The following FAM47C variants were observed in gnomAD, a reference collection of about 807,000 sequenced individuals.
FAM47C encodes family with sequence similarity 47 member C, also known as putative protein FAM47C.
For missense variants in FAM47C, 847 were observed against 879.9 expected (o/e 0.96, Z 0.47); for synonymous variants, 307 against 346.5 (o/e 0.89, Z 1.27).
rs868979999 is a variant in FAM47C at position 37,009,668 on chromosome X, A to G, written c.1258A>G (p.Lys420Glu). ...ATCTAATCTCCGCTCGGAGCCTCCCAAGATTGGAGTGTCCCATCTCTGCCT... is the reference window on the plus strand; with the variant it reads ...ATCTAATCTCCGCTCGGAGCCTCCCGAGATTGGAGTGTCCCATCTCTGCCT... ...RISNLRSEPPKIGVSHLCLEP... is the reference protein window; with the variant it reads ...RISNLRSEPPEIGVSHLCLEP... The change falls in exon 1 of 1, where the codon AAG becomes GAG. Residue 420 changes from lysine (K) to glutamate (E), a missense_variant. By Grantham distance (56) the Lys-to-Glu change is moderately conservative (BLOSUM62 1). Coordinates refer to ENST00000358047, the MANE Select transcript of FAM47C (RefSeq NM_001013736.3). 3 of 1,154,300 alleles carry G rather than the reference A, an allele frequency of 2.6e-6. No homozygotes were observed. The African/African-American group carries it at 6.5e-5, about 25-fold the overall frequency.
rs142884749 is a variant in FAM47C, at chrX:37,009,203, A to G, written c.793A>G (p.Thr265Ala). The change falls in exon 1 of 1, where the codon ACT becomes GCT. Residue 265 changes from threonine to alanine, a missense_variant. By Grantham distance (58) the Thr-to-Ala change is moderately conservative. Transcript: ENST00000358047. ...VSSLHLEPPE[T>A]GVSHLYLEPP... is the part of the protein sequence containing the mutation. ...CAGTCTCCACCTGGAGCCTCCCGAG[A>G]CTGGAGTGTCCCATCTCTACCTGGA... The G allele has an allele frequency of 2.3e-4, 272 of 1,206,999 alleles. No homozygotes were observed. The African/African-American group carries it at 4.4e-3, about 19-fold the overall frequency.
At position 37,011,448 on chromosome X, in the gene FAM47C, C is replaced by T. The variant is rs1466223478; in HGVS notation, c.3038C>T (p.Thr1013Ile). ...RRGWTYDSVK[T>I]PIQRAMQVYK... ...GGATGGACTTATGACTCTGTTAAGA[C>T]TCCTATTCAACGTGCAATGCAAGTT... Residue 1013 changes from threonine to isoleucine, a missense_variant, in exon 1 of 1, where the codon ACT becomes ATT. By Grantham distance (89) the Thr-to-Ile change is moderately conservative. Transcript: ENST00000358047. The T allele has an allele frequency of 1.7e-6, 2 of 1,208,387 alleles. No individual in the cohort carries two copies. The highest frequency in any genetic ancestry group is 2.2e-6 in the Non-Finnish European group (2 of 894,561).
Position 37,008,891 on chromosome X carries a change from G to A in FAM47C, c.481G>A (p.Asp161Asn). Residue 161 changes from aspartate to asparagine, a missense_variant, in exon 1 of 1, where the codon GAC becomes AAC. Coordinates refer to ENST00000358047, the MANE Select transcript of FAM47C (RefSeq NM_001013736.3). ...GCTGGACCCTGAGAGGAAGCTGGAG[G>A]ACGCAGGCTCTTGTGAGGGCCAGGA... The part of the protein sequence containing the change: ...KPLDPERKLE[D>N]AGSCEGQEKT... 1 of 1,212,017 alleles carries A rather than the reference G, an allele frequency of 8.3e-7. No individual in the cohort carries two copies. The highest frequency in any genetic ancestry group is 1.1e-6 in the Non-Finnish European group (1 of 895,525).
In FAM47C at chrX:37,009,510, G is replaced by T. The variant is rs782439569; in HGVS notation, c.1100G>T (p.Arg367Leu). 10 of 1,198,132 alleles carry T rather than the reference G, an allele frequency of 8.3e-6. No homozygotes were observed. Among genetic ancestry groups the T allele is most frequent in the Non-Finnish European group, 1.1e-5 (10 of 890,711 alleles). Residue 367 changes from arginine (R) to leucine (L), a missense_variant, in exon 1 of 1, where the codon CGC becomes CTC. Transcript: ENST00000358047. ...EPPETRVSPLRQLPPEAGVSH... is the reference protein window; with the variant it reads ...EPPETRVSPLLQLPPEAGVSH... ...CCAGAGACTCGCGTATCTCCTCTCC[G>T]CCAGCTGCCTCCCGAGGCTGGAGTG...
chrX:37,010,408 C>A lies in FAM47C; in HGVS notation c.1998C>A (p.Leu666=). The change falls in exon 1 of 1, where the codon CTC becomes CTA. Residue 666 remains leucine, a synonymous_variant. Coordinates refer to ENST00000358047, the MANE Select transcript of FAM47C (RefSeq NM_001013736.3). ...CTCCCAAGACTCGGGTGTCCAGTCT[C>A]CCCCCGGAGCCCCCCGAGACTGGAG... The part of the protein sequence containing the change: ...PEPPKTRVSS[L]PPEPPETGVS... 1.7e-6 allele frequency: 2 copies of A among 1,176,788 alleles called. No individual in the cohort carries two copies. Among genetic ancestry groups the A allele is most frequent in the Non-Finnish European group, 2.3e-6 (2 of 880,943 alleles).
Position 37,009,972 on chromosome X carries a change from A to G in FAM47C, c.1562A>G (p.His521Arg), listed in dbSNP as rs200410509. 145 of 1,198,100 alleles carry G rather than the reference A, an allele frequency of 1.2e-4. No homozygotes were observed. Among genetic ancestry groups the G allele is most frequent in the Middle Eastern group, 2.3e-4 (1 of 4,291 alleles). The stretch of plus-strand genomic sequence containing the variant: ...GAGCCTTCTGAGACTGGAGTGTCCC[A>G]TCTCCGCCCAGAGCCTCCCAAGATT... ...RPEPSETGVS[H>R]LRPEPPKILV... Residue 521 changes from histidine to arginine, a missense_variant, in exon 1 of 1, where the codon CAT becomes CGT. Transcript: ENST00000358047.
rs782212532 is a variant in FAM47C, at chrX:37,009,247, G to A, written c.837G>A (p.Val279=). ...HLYLEPPGTG[V]SHLCPEPPKT... is the part of the protein sequence containing the mutation. ...ACCTGGAGCCTCCTGGGACTGGAGT[G>A]TCTCATCTCTGCCCAGAGCCTCCCA... Residue 279 remains valine, a synonymous_variant, in exon 1 of 1, where the codon GTG becomes GTA. Coordinates refer to ENST00000358047, the MANE Select transcript of FAM47C (RefSeq NM_001013736.3). 8.3e-7 allele frequency: 1 copy of A among 1,209,170 alleles called. No homozygotes were observed. The highest frequency in any genetic ancestry group is 1.1e-6 in the Non-Finnish European group (1 of 894,776).
chrX:37,011,136 T>A lies in FAM47C; in HGVS notation c.2726T>A (p.Val909Asp), dbSNP rs1927790169. ...ATGGAGCTAGACGAAATGGATGAGGTCAAATTCTTCTCACAGGAAAAAGAC... is the reference window on the plus strand; with the variant it reads ...ATGGAGCTAGACGAAATGGATGAGGACAAATTCTTCTCACAGGAAAAAGAC... ...YSMELDEMDE[V>D]KFFSQEKDLD... Residue 909 changes from valine to aspartate, a missense_variant, in exon 1 of 1, where the codon GTC (valine) becomes GAC (aspartate). Transcript: ENST00000358047. 1.7e-6 allele frequency: 2 copies of A among 1,209,079 alleles called. No individual in the cohort carries two copies. Among genetic ancestry groups the A allele is most frequent in the Admixed American group, 2.2e-5 (1 of 45,706 alleles).
At position 37,010,490 on chromosome X, in the gene FAM47C, C is replaced by T. The variant is rs1601930720; in HGVS notation, c.2080C>T (p.Pro694Ser). 8.3e-7 allele frequency: 1 copy of T among 1,201,653 alleles called. No individual in the cohort carries two copies. Among genetic ancestry groups the T allele is most frequent in the African/African-American group, 1.8e-5 (1 of 54,682 alleles). The stretch of plus-strand genomic sequence containing the variant: ...TCGCGTATCTCATCTCCGCCCAGAG[C>T]CTCCTGAGACTGGAGTGTCCCGTCT... ...ETRVSHLRPE[P>S]PETGVSRLHP... is the part of the protein sequence containing the mutation. Residue 694 changes from proline (P) to serine (S), a missense_variant, in exon 1 of 1, where the codon CCT becomes TCT. Transcript: ENST00000358047.
At position 37,010,074 on chromosome X, in the gene FAM47C, T is replaced by C. The variant is rs781902263; in HGVS notation, c.1664T>C (p.Val555Ala). 1 of 1,198,379 alleles carries C rather than the reference T, an allele frequency of 8.3e-7. No homozygotes were observed. Among genetic ancestry groups the C allele is most frequent in the Non-Finnish European group, 1.1e-6 (1 of 891,185 alleles). ...CGCCCAGAGCCTCCTGAGACTGGAG[T>C]GTCCCATCTCCGCCCAGAGCCTCCC... ...HLRPEPPETG[V>A]SHLRPEPPKT... Residue 555 changes from valine to alanine, a missense_variant, in exon 1 of 1, where the codon GTG becomes GCG. Val to Ala is a moderately conservative substitution (Grantham distance 64). Transcript: ENST00000358047.
Position 37,011,534 on chromosome X carries a change from C to T in FAM47C, c.*16C>T, listed in dbSNP as rs782722000. 11 of 1,135,962 alleles carry T rather than the reference C, an allele frequency of 9.7e-6. No homozygotes were observed. The Middle Eastern group carries it at 1.5e-3, about 151-fold the overall frequency. 93.6% of individuals were successfully genotyped at this position (1,135,962 alleles called of 1,213,427 possible). A position where few individuals can be genotyped will look rare whatever the true frequency, so the allele number is the denominator to read the frequency against. Reference sequence around the variant, plus strand: ...AGAAGATTAGATGGTTTTGAATTTACTAGTTAATTGGGTATTTCTTGCTCT... The same window carrying T: ...AGAAGATTAGATGGTTTTGAATTTATTAGTTAATTGGGTATTTCTTGCTCT... On this transcript the variant is annotated 3_prime_UTR_variant, in exon 1 of 1. Transcript: ENST00000358047.
In FAM47C at chrX:37,009,866, C is replaced by A. The variant is rs782576709; in HGVS notation, c.1456C>A (p.Leu486Ile). 1 of 1,206,035 alleles carries A rather than the reference C, an allele frequency of 8.3e-7. No individual in the cohort carries two copies. The highest frequency in any genetic ancestry group is 1.1e-6 in the Non-Finnish European group (1 of 893,378). ...PEPPEKDVSH[L>I]RPEPPDTGVS... Reference sequence around the variant, plus strand: ...GCCTCCAGAGAAGGACGTATCTCATCTCCGCCCAGAGCCTCCCGACACTGG... The same window carrying A: ...GCCTCCAGAGAAGGACGTATCTCATATCCGCCCAGAGCCTCCCGACACTGG... Residue 486 changes from leucine (L) to isoleucine (I), a missense_variant, in exon 1 of 1, where the codon CTC (leucine) becomes ATC (isoleucine). By Grantham distance (5) the Leu-to-Ile change is conservative. Coordinates refer to ENST00000358047, the MANE Select transcript of FAM47C (RefSeq NM_001013736.3).
At position 37,008,396 on chromosome X, in the gene FAM47C, C is replaced by A. The variant is rs61730911; in HGVS notation, c.-15C>A. The A allele has an allele frequency of 4.0e-3, 4,746 of 1,179,397 alleles. 101 individuals carry two copies. In the African/African-American group the frequency reaches 0.07, roughly 18 times the overall value. On this transcript the variant is annotated 5_prime_UTR_variant, in exon 1 of 1. Coordinates refer to ENST00000358047, the MANE Select transcript of FAM47C (RefSeq NM_001013736.3). Reference sequence around the variant, plus strand: ...CCGCGGAAACTGGAGAGGTGGCACCCCAGCGAGGGCCACCATGGGGGACCA... The same window carrying A: ...CCGCGGAAACTGGAGAGGTGGCACCACAGCGAGGGCCACCATGGGGGACCA...
chrX:37,010,694 C>T lies in FAM47C; in HGVS notation c.2284C>T (p.Leu762Phe), dbSNP rs781803491. The change falls in exon 1 of 1, where the codon CTC becomes TTC. Residue 762 changes from leucine to phenylalanine, a missense_variant. Transcript: ENST00000358047. ...PEPLETRVSH[L>F]RPEPPETGVS... ...GCCTCTTGAGACTCGCGTATCTCAT[C>T]TCCGCCCGGAGCCTCCTGAGACTGG... 3 of 1,208,828 alleles carry T rather than the reference C, an allele frequency of 2.5e-6. No homozygotes were observed. Among genetic ancestry groups the T allele is most frequent in the Non-Finnish European group, 3.4e-6 (3 of 894,784 alleles).
chrX:37,008,953 C>T lies in FAM47C; in HGVS notation c.543C>T (p.Tyr181=), dbSNP rs781885340. 1.1e-5 allele frequency: 13 copies of T among 1,210,073 alleles called. No individual in the cohort carries two copies. In the East Asian group the frequency reaches 2.4e-4, roughly 22 times the overall value. ...TTDEPTEPGK[Y]PCGEFSPRPP... ...ACGAACCCACGGAGCCTGGTAAATA[C>T]CCCTGTGGGGAATTCTCCCCTCGGC... Residue 181 remains tyrosine (Y), a synonymous_variant, in exon 1 of 1, where the codon TAC becomes TAT. Transcript: ENST00000358047.
In FAM47C at chrX:37,009,051, C is replaced by T; in HGVS notation, c.641C>T (p.Pro214Leu). 1.7e-6 allele frequency: 2 copies of T among 1,211,543 alleles called. No homozygotes were observed. The highest frequency in any genetic ancestry group is 2.2e-6 in the Non-Finnish European group (2 of 895,306). ...KTPVSSLRPEPPETGVSHLRP... is the reference protein window; with the variant it reads ...KTPVSSLRPELPETGVSHLRP... ...CCGGTGTCCAGTCTCCGCCCGGAGC[C>T]TCCAGAGACTGGAGTGTCCCATCTC... is the stretch of plus-strand genomic sequence containing the variant. Residue 214 changes from proline (P) to leucine (L), a missense_variant, in exon 1 of 1, where the codon CCT (proline) becomes CTT (leucine). Transcript: ENST00000358047.
rs151172763 is a variant in FAM47C, at chrX:37,008,789, A to G, written c.379A>G (p.Thr127Ala). 32 of 1,209,653 alleles carry G rather than the reference A, an allele frequency of 2.6e-5. No individual in the cohort carries two copies. In the African/African-American group the frequency reaches 5.1e-4, roughly 19 times the overall value. ...FVEEVEAQLM[T>A]KHPLAMYPNL... The stretch of plus-strand genomic sequence containing the variant: ...AGAGGAAGTGGAAGCCCAGCTGATG[A>G]CCAAGCATCCCTTGGCCATGTACCC... The change falls in exon 1 of 1, where the codon ACC becomes GCC. Residue 127 changes from threonine to alanine, a missense_variant. By Grantham distance (58) the Thr-to-Ala change is moderately conservative. Coordinates refer to ENST00000358047, the MANE Select transcript of FAM47C (RefSeq NM_001013736.3).
At position 37,010,028 on chromosome X, in the gene FAM47C, G is replaced by A. The variant is rs187865465; in HGVS notation, c.1618G>A (p.Glu540Lys). 3 of 1,182,512 alleles carry A rather than the reference G, an allele frequency of 2.5e-6. No individual in the cohort carries two copies. Among genetic ancestry groups the A allele is most frequent in the Non-Finnish European group, 3.4e-6 (3 of 884,996 alleles). Residue 540 changes from glutamate to lysine, a missense_variant, in exon 1 of 1, where the codon GAG becomes AAG. Glu to Lys is a moderately conservative substitution (Grantham distance 56). Transcript: ENST00000358047. Reference protein sequence around the residue: ...LVSSLHQAPPESSVSHLRPEP... With the variant: ...LVSSLHQAPPKSSVSHLRPEP... ...GTCCAGTCTCCACCAGGCACCTCCT[G>A]AGAGTAGCGTATCTCATCTCCGCCC... is the stretch of plus-strand genomic sequence containing the variant.
rs782014622 is a variant in FAM47C, at chrX:37,010,401, C to T, written c.1991C>T (p.Ser664Phe). 8.5e-7 allele frequency: 1 copy of T among 1,176,797 alleles called. No homozygotes were observed. The change falls in exon 1 of 1, where the codon TCC becomes TTC. Residue 664 changes from serine (S) to phenylalanine (F), a missense_variant. By Grantham distance (155) the Ser-to-Phe change is radical. Coordinates refer to ENST00000358047, the MANE Select transcript of FAM47C (RefSeq NM_001013736.3). ...CCAGAGCCTCCCAAGACTCGGGTGT[C>T]CAGTCTCCCCCCGGAGCCCCCCGAG... Reference protein sequence around the residue: ...LCPEPPKTRVSSLPPEPPETG... With the variant: ...LCPEPPKTRVFSLPPEPPETG...
Sources: allele counts gnomAD v4.1 joint callset, GRCh38; gene constraint gnomAD v4.1.1; transcripts MANE v1.5; gene names NCBI Gene and HGNC (gene_info 2026-07-23, HGNC 2026-07-21).